Variants in PFKFB3 observed in about 807,000 individuals in gnomAD.
PFKFB3 encodes the protein 6-phosphofructo-2-kinase/fructose-2,6-bisphosphatase 3.
Under a neutral mutation model 68.0 loss-of-function variants are expected in PFKFB3, and 33 were observed. The observed-to-expected ratio is 0.49, with a 90% CI of 0.37 to 0.65. The LOEUF (loss-of-function observed/expected upper bound fraction) is 0.65. Among genes scored for constraint, PFKFB3 ranks in the 30% least tolerant of loss-of-function variants. PFKFB3 has a pLI of 0.00. For synonymous variants in PFKFB3, 315 were observed against 288.2 expected (o/e 1.09, Z -0.94); for missense variants, 586 against 712.2 (o/e 0.82, Z 2.02).
the PFKFB3 span, among the ~76,000 whole-genome samples, chr10:6,306,791 T>C: frequency 5.9e-5 from 9 of 152,294 alleles, no homozygotes; most frequent in African/African-American, 2.2e-4. Context: ...CATGTCTCTT[T>C]CATGAGGCTC....
At chr10:6,165,172 G>C in intron 1 of PFKFB3, among the ~76,000 whole-genome samples, 1 of 152,304 alleles carries the variant, frequency 6.6e-6, no homozygotes, top group South Asian at 2.1e-4. Context: ...CTTCTGCAGT[G>C]CATGGTGTCC....
rs1841718877 is a variant in PFKFB3, at chr10:6,154,910, C to T, written c.16+9897C>T. Among the ~76,000 whole-genome samples the T allele has an allele frequency of 6.6e-6, 1 of 152,172 alleles. No homozygotes were observed. The highest frequency in any genetic ancestry group is 6.5e-5 in the Admixed American group (1 of 15,272). ...ACAGCAGCTGCACCTCCTCTAGGCC[C>T]TGTCCTTGGTAGAGGCTGTGAGTGG... On this transcript the variant is annotated intron_variant, in intron 1 of 14. Transcript: ENST00000379789. The surrounding 1 kb of genome is among the most constrained non-coding windows in gnomAD (Gnocchi z 4.6).
At chr10:6,180,184 A>G (rs1473767376) in intron 1 of PFKFB3, among the ~76,000 whole-genome samples, 1 of 150,332 alleles carries the variant, frequency 6.7e-6, no homozygotes, top group East Asian at 2.0e-4. Flanking sequence ...TCTAAAAGAA[A>G]AAAAAAATGC....
In PFKFB3 at chr10:6,216,202, G is replaced by T. The variant is rs745410022; in HGVS notation, c.366+11G>T. 2 of 1,613,382 alleles carry T rather than the reference G, an allele frequency of 1.2e-6. No individual in the cohort carries two copies. Among genetic ancestry groups the T allele is most frequent in the African/African-American group, 2.7e-5 (2 of 74,912 alleles). On this transcript the variant is annotated intron_variant, in intron 4 of 14. Transcript: ENST00000379775. Reference sequence around the variant, plus strand: ...GGGGGACAAATTGCGGTAAGTCCAGGCAATGTAGCCGGCTCGGTGTCCAGT... The same window carrying T: ...GGGGGACAAATTGCGGTAAGTCCAGTCAATGTAGCCGGCTCGGTGTCCAGT...
At chr10:6,311,541 G>A in the PFKFB3 span, among the ~76,000 whole-genome samples, 2 of 152,108 alleles carry the variant, frequency 1.3e-5, no homozygotes, top group Non-Finnish European at 2.9e-5. Context: ...TTGAGGTCAG[G>A]AGCTCGAGAC....
chr10:6,281,470 T>C, the PFKFB3 span, among the ~76,000 whole-genome samples: 1 of 151,990 alleles, frequency 6.6e-6, no homozygotes, highest in Non-Finnish European at 1.5e-5. Context: ...AATTTGGCAT[T>C]GGTAGAAGAA....
rs1666025319 is a variant in PFKFB3, at chr10:6,215,201, GT to G, written c.203-18del. 1.9e-6 allele frequency: 3 copies of G among 1,608,100 alleles called. No homozygotes were observed. In the African/African-American group the frequency reaches 4.0e-5, roughly 22 times the overall value. On this transcript the variant is annotated intron_variant, in intron 2 of 14. Coordinates refer to ENST00000379775, the MANE Select transcript of PFKFB3 (RefSeq NM_004566.4). The surrounding 1 kb of genome is among the most constrained non-coding windows in gnomAD (Gnocchi z 4.3). Reference sequence around the variant, plus strand: ...TTCCTCCTGCTCGATCATCCAGACTGTTCTCTTTCCCGTCCACAGTGTTCAA... The same window carrying G: ...TTCCTCCTGCTCGATCATCCAGACTGTCTCTTTCCCGTCCACAGTGTTCAA...
At chr10:6,223,007 C>G in intron 11 of PFKFB3, 23 bp downstream of exon 11, 2 of 1,607,194 alleles carry the variant, frequency 1.2e-6, no homozygotes, top group Non-Finnish European at 1.7e-6. Context: ...GGTCGTGGCC[C>G]CGGGATGGAG....
At chr10:6,204,992 C>T (rs1843589208) in intron 1 of PFKFB3, among the ~76,000 whole-genome samples, 1 of 152,212 alleles carries the variant, frequency 6.6e-6, no homozygotes, top group South Asian at 2.1e-4. Flanking sequence ...GGCGTCCTCC[C>T]TCCAGGCTTG....
chr10:6,226,458 T>C, intron 14 of PFKFB3, 93 bp downstream of exon 14: 2 of 1,313,880 alleles, frequency 1.5e-6, no homozygotes, highest in South Asian at 1.4e-5. Context: ...TTTGCAAGAA[T>C]ACGTGCGTGG....
rs57218031 is a variant in PFKFB3 at position 6,205,459 on chromosome 10, C to G, written c.76+2123C>G. 6.1e-3 allele frequency among the ~76,000 whole-genome samples: 805 copies of G among 132,706 alleles called. 9 individuals are homozygous for G. The highest frequency in any genetic ancestry group is 0.019 in the African/African-American group (682 of 35,516). 87.1% of individuals were successfully genotyped at this position (132,706 alleles called of 152,430 possible). A position where few individuals can be genotyped will look rare whatever the true frequency, so the allele number is the denominator to read the frequency against. On this transcript the variant is annotated intron_variant, in intron 1 of 14. Coordinates refer to ENST00000379775, the MANE Select transcript of PFKFB3 (RefSeq NM_004566.4). ...CGAGGCTGGAGTGCAGTGGTGCGAT[C>G]TCGGCTCACTGCAACTTCTGCCTCC... is the stretch of plus-strand genomic sequence containing the variant.
chr10:6,274,158 G>C, the PFKFB3 span, among the ~76,000 whole-genome samples: 144,732 of 151,848 alleles, frequency 0.95, 69,275 homozygotes, highest in Non-Finnish European at 1. Flanking sequence ...TATGATTGCA[G>C]CACTGTACTC....
chr10:6,189,060 C>T (rs916365117), intron 1 of PFKFB3, among the ~76,000 whole-genome samples: 5 of 152,084 alleles, frequency 3.3e-5, no homozygotes, highest in Non-Finnish European at 7.4e-5. Context: ...AGGATGGTCT[C>T]GATCTCCTGA....
intron 1 of PFKFB3, among the ~76,000 whole-genome samples, chr10:6,181,818 AAGAC>A (rs1354917230): frequency 7.8e-5 from 11 of 141,068 alleles, no homozygotes; most frequent in Admixed American, 2.9e-4. Context: ...AAAAAAAAAA[AAGAC>A]AAATACTGCA....
chr10:6,178,540 G>A (rs1193632548), intron 1 of PFKFB3, among the ~76,000 whole-genome samples: 1 of 147,450 alleles, frequency 6.8e-6, no homozygotes, highest in African/African-American at 2.5e-5. Flanking sequence ...GGGAGGTGAA[G>A]CCACTGACCC....
intron 6 of PFKFB3, among the ~76,000 whole-genome samples, chr10:6,218,828 C>T (rs1844763930): frequency 6.6e-6 from 1 of 152,188 alleles, no homozygotes; most frequent in African/African-American, 2.4e-5. Flanking sequence ...TCTCATCTTC[C>T]CCGGCTGAAA....
chr10:6,295,657 T>C, the PFKFB3 span, among the ~76,000 whole-genome samples: 1 of 152,182 alleles, frequency 6.6e-6, no homozygotes, highest in Non-Finnish European at 1.5e-5. Flanking sequence ...GAGCCTGAGT[T>C]GGGTGTTTCT....
chr10:6,262,434 G>A, the PFKFB3 span, among the ~76,000 whole-genome samples: 60 of 120,936 alleles, frequency 5.0e-4, no homozygotes, highest in African/African-American at 1.1e-3. Flanking sequence ...CAGCCTGGGC[G>A]ACAGCGAGAC....
intron 1 of PFKFB3, among the ~76,000 whole-genome samples, chr10:6,164,297 G>C (rs180785529): frequency 1.2e-4 from 18 of 152,328 alleles, no homozygotes; most frequent in African/African-American, 4.3e-4. Flanking sequence ...CCTCGTATGC[G>C]TTGGGTCTGT....
Sources: allele counts gnomAD v4.1 joint callset (sites outside exome capture counted in the v4.1 genomes callset), GRCh38; gene constraint gnomAD v4.1.1; non-coding constraint Gnocchi (gnomAD v3.1); transcripts MANE v1.5; gene names NCBI Gene and HGNC (gene_info 2026-07-23, HGNC 2026-07-21).